The following RDX variants were observed in gnomAD, a reference collection of about 807,000 sequenced individuals.
The protein encoded by RDX is radixin, also known as deafness, autosomal recessive 24.
A neutral mutation model predicts 83.7 loss-of-function variants in RDX; 32 were observed. The ratio of observed to expected loss-of-function variants is 0.38; its 90% confidence interval spans 0.29 to 0.51. The LOEUF (loss-of-function observed/expected upper bound fraction) is 0.51, where lower values mean the gene tolerates loss of function less well. Ranked by LOEUF, RDX falls within the 20% of genes least tolerant of loss-of-function variation. The pLI, the probability that RDX is intolerant of heterozygous loss-of-function variation, is 0.87. For missense variants in RDX, 600 were observed against 689.9 expected, an observed-to-expected ratio of 0.87 and a Z score of 1.46; for synonymous variants, 229 against 222.7, an observed-to-expected ratio of 1.03 and a Z score of -0.25.
rs750329031 is a variant in RDX at position 110,232,060 on chromosome 11, A to G, written c.1588-27T>C. ...TATTTAAAAAATAAAAAGTACAACT[A>G]TTATTTTTTTCTTAGATTTAAAAAA... On this transcript the variant is annotated intron_variant, in intron 13 of 13. Coordinates refer to ENST00000645495, the MANE Select transcript of RDX (RefSeq NM_002906.4). 1.0e-5 allele frequency: 16 copies of G among 1,563,426 alleles called. No homozygotes were observed. In the Admixed American group the frequency reaches 2.7e-4, roughly 26 times the overall value.
intron 14 of RDX, among the ~76,000 whole-genome samples, chr11:110,203,918 T>C (rs554610354): frequency 6.6e-6 from 1 of 152,308 alleles, no homozygotes; most frequent in Non-Finnish European, 1.5e-5. Context: ...GCCATGTGCC[T>C]ATAGTCCCAG....
At chr11:110,223,444 G>A (rs562839473) in intron 14 of RDX, among the ~76,000 whole-genome samples, 5 of 152,016 alleles carry the variant, frequency 3.3e-5, no homozygotes, top group East Asian at 1.9e-4. Flanking sequence ...CAGGAGAATC[G>A]CTTGAACCGA....
intron 10 of RDX, among the ~76,000 whole-genome samples, chr11:110,241,857 G>A (rs1565310476): frequency 6.6e-6 from 1 of 152,154 alleles, no homozygotes; most frequent in East Asian, 1.9e-4. Flanking sequence ...CTTAAAGGAA[G>A]GCAATTCTGA....
chr11:110,186,550 A>T (rs1436497703), intron 15 of RDX, among the ~76,000 whole-genome samples: 1 of 151,988 alleles, frequency 6.6e-6, no homozygotes, highest in Non-Finnish European at 1.5e-5. Context: ...ATGGGAATCC[A>T]TCAGCATAAC....
intron 15 of RDX, among the ~76,000 whole-genome samples, chr11:110,189,701 G>T (rs1863067060): frequency 1.3e-5 from 2 of 152,164 alleles, no homozygotes; most frequent in Admixed American, 1.3e-4. Flanking sequence ...GTACAAAGAA[G>T]ATCTCTCAAA....
Position 110,201,256 on chromosome 11 carries a change from TCTCA to T in RDX, c.1749-1582_1749-1579del, listed in dbSNP as rs764518661. Among the ~76,000 whole-genome samples, 6 of 152,110 alleles carry T rather than the reference TCTCA, an allele frequency of 3.9e-5. 1 individual carries two copies. The South Asian group carries it at 8.3e-4, about 21-fold the overall frequency. Reference sequence around the variant, plus strand: ...TTTCCATAGTCACTAGTAATATTATTCTCACTGTGATTAACTAGTAGTACTATTT... The same window carrying T: ...TTTCCATAGTCACTAGTAATATTATTCTGTGATTAACTAGTAGTACTATTT... On this transcript the variant is annotated intron_variant, in intron 14 of 15. Coordinates refer to the RDX transcript ENST00000528498.
rs1346670512 is a variant in RDX at position 110,264,191 on chromosome 11, T to C, written c.236A>G (p.Lys79Arg). The change falls in exon 5 of 14, where the codon AAG (lysine) becomes AGG (arginine). Residue 79 changes from lysine (K) to arginine (R), a missense_variant. Coordinates refer to ENST00000645495, the MANE Select transcript of RDX (RefSeq NM_002906.4). ...DVKKENPLQF[K>R]FRAKFFPEDV... ...TTCAGGAAAGAATTTAGCTCTAAAC[T>C]TGAACTGTAAAGGATTCTCTTTTTT... is the stretch of plus-strand genomic sequence containing the variant. The C allele has an allele frequency of 1.9e-6, 3 of 1,611,438 alleles. No homozygotes were observed. The highest frequency in any genetic ancestry group is 2.5e-6 in the Non-Finnish European group (3 of 1,177,882).
chr11:110,214,826 C>T (rs1289891703), intron 14 of RDX, among the ~76,000 whole-genome samples: 1 of 98,854 alleles, frequency 1.0e-5, no homozygotes, highest in Non-Finnish European at 1.9e-5. Context: ...GAATATCACA[C>T]TCTGGGGACT....
rs552466675 is a variant in RDX, at chr11:110,270,201, C to T, written c.96+2335G>A. Among the ~76,000 whole-genome samples the T allele has an allele frequency of 1.9e-4, 25 of 131,980 alleles. 1 individual carries two copies. In the South Asian group the frequency reaches 6.1e-3, roughly 32 times the overall value. The allele number at this position is 131,980 out of a possible 152,430, so 86.6% of individuals were successfully genotyped here. On this transcript the variant is annotated intron_variant, in intron 3 of 13. Coordinates refer to ENST00000645495, the MANE Select transcript of RDX (RefSeq NM_002906.4). ...ATGCATCGTTAGACAATTGCATCAT[C>T]GTATGAACATCAGAGTATACTTAAA...
At chr11:110,245,709 T>A (rs2134335225) in intron 10 of RDX, among the ~76,000 whole-genome samples, 1 of 152,326 alleles carries the variant, frequency 6.6e-6, no homozygotes, top group South Asian at 2.1e-4. Flanking sequence ...ATAATTGTAT[T>A]ATTTAATATA....
intron 2 of RDX, among the ~76,000 whole-genome samples, chr11:110,273,322 G>A (rs1043713861): frequency 2.0e-5 from 3 of 152,218 alleles, no homozygotes; most frequent in Non-Finnish European, 4.4e-5. Context: ...ATGAAAATCA[G>A]ATTTCATTTT....
At chr11:110,181,989 C>T (rs552267282) in intron 15 of RDX, among the ~76,000 whole-genome samples, 4 of 152,318 alleles carry the variant, frequency 2.6e-5, no homozygotes, top group Admixed American at 2.6e-4. Context: ...ACTCCTCACC[C>T]CTCCCTGTTC....
chr11:110,255,294 C>T lies in RDX; in HGVS notation c.790G>A (p.Ala264Thr), dbSNP rs201031650. The T allele has an allele frequency of 3.3e-6, 5 of 1,521,530 alleles. 1 individual carries two copies. Among genetic ancestry groups the T allele is most frequent in the Non-Finnish European group, 4.6e-6 (5 of 1,097,200 alleles). The allele number at this position is 1,521,530 out of a possible 1,614,324, so 94.3% of individuals were successfully genotyped here. A position where few individuals can be genotyped will look rare whatever the true frequency, so the allele number is the denominator to read the frequency against. The change falls in exon 8 of 14, where the codon GCA becomes ACA. Residue 264 changes from alanine (A) to threonine (T), a missense_variant. Ala to Thr is a moderately conservative substitution (Grantham distance 58). Transcript: ENST00000645495. ...KFVIKPIDKKAPDFVFYAPRL... is the reference protein window; with the variant it reads ...KFVIKPIDKKTPDFVFYAPRL... The stretch of plus-strand genomic sequence containing the variant: ...ATATTAAAGAAATTACTTACAGGTG[C>T]CTTTTTGTCGATTGGCTTTATAACA...
intron 10 of RDX, among the ~76,000 whole-genome samples, chr11:110,246,120 T>C (rs1291538241): frequency 1.3e-5 from 2 of 152,132 alleles, no homozygotes; most frequent in Non-Finnish European, 2.9e-5. Flanking sequence ...AGCCTTAAAC[T>C]CCTGAATTTT....
At chr11:110,209,689 C>T (rs868502373) in intron 14 of RDX, among the ~76,000 whole-genome samples, 40 of 147,064 alleles carry the variant, frequency 2.7e-4, no homozygotes, top group East Asian at 1.0e-3. Context: ...CCCTGACCCC[C>T]GAGCAGCCTA....
chr11:110,280,166 A>G lies in RDX; in HGVS notation c.-64-410T>C, dbSNP rs117113853. On this transcript the variant is annotated intron_variant, in intron 1 of 13. Coordinates refer to ENST00000645495, the MANE Select transcript of RDX (RefSeq NM_002906.4). The stretch of plus-strand genomic sequence containing the variant: ...TGAAGAGCTTAAGAATACTTATTCA[A>G]TGTTTTTTTTCTGTACTGCCAAAAA... Among the ~76,000 whole-genome samples, 377 of 152,368 alleles carry G rather than the reference A, an allele frequency of 2.5e-3. 3 individuals carry two copies. The East Asian group carries it at 0.029, about 12-fold the overall frequency.
intron 14 of RDX, among the ~76,000 whole-genome samples, chr11:110,213,251 A>G (rs558692696): frequency 1.4e-5 from 2 of 146,206 alleles, no homozygotes; most frequent in South Asian, 4.5e-4. Flanking sequence ...TGCTTCAAAG[A>G]AAATAAAATA....
intron 1 of RDX, among the ~76,000 whole-genome samples, chr11:110,281,890 C>A (rs1220815169): frequency 6.9e-6 from 1 of 145,600 alleles, no homozygotes; most frequent in African/African-American, 2.6e-5. Flanking sequence ...CACTTGAGCC[C>A]AGGAGTTTGA....
At chr11:110,271,883 A>C (rs1345549372) in intron 3 of RDX, among the ~76,000 whole-genome samples, 2 of 152,192 alleles carry the variant, frequency 1.3e-5, no homozygotes, top group Non-Finnish European at 2.9e-5. Flanking sequence ...ATGCTGCAAA[A>C]TCTGAAACCT....
Sources: allele counts gnomAD v4.1 joint callset (sites outside exome capture counted in the v4.1 genomes callset), GRCh38; gene constraint gnomAD v4.1.1; transcripts MANE v1.5; gene names NCBI Gene and HGNC (gene_info 2026-07-23, HGNC 2026-07-21).